CCDC175: variants seen among roughly 807,000 people sequenced by gnomAD.
CCDC175 encodes coiled-coil domain containing 175, also known as coiled-coil domain-containing protein 175.
Under a neutral mutation model 114.6 loss-of-function variants are expected in CCDC175, and 100 were observed. The ratio of observed to expected loss-of-function variants is 0.87; its 90% CI spans 0.74 to 1.03. The LOEUF is 1.03. Ranked by LOEUF, CCDC175 falls within the 50% of genes least tolerant of loss-of-function variation. The pLI is 0.00. For synonymous variants in CCDC175, 306 were observed against 308.7 expected (o/e 0.99, Z 0.09); for missense variants, 880 against 917.8 (o/e 0.96, Z 0.53).
In CCDC175 at chr14:59,531,785, A is replaced by C; in HGVS notation, c.1749T>G (p.Ser583Arg). The C allele has an allele frequency of 6.7e-7, 1 of 1,497,798 alleles. No homozygotes were observed. The highest frequency in any genetic ancestry group is 8.9e-7 in the Non-Finnish European group (1 of 1,123,828). 92.8% of individuals were successfully genotyped at this position (1,497,798 alleles called of 1,614,324 possible). Residue 583 changes from serine to arginine, a missense_variant, in exon 14 of 20, where the codon AGT (serine) becomes AGG (arginine). Ser to Arg is a moderately radical substitution (Grantham distance 110, BLOSUM62 -1). Transcript: ENST00000537690. ...CTTCATATGTACCTGTAATAATATT[A>C]CTGAGCTCTTCTAACTTTCTTCTTT... The part of the protein sequence containing the change: ...KEKRRKLEEL[S>R]NIITAQRQEE...
chr14:59,534,434 G>T (rs1226862004), intron 13 of CCDC175, among the ~76,000 whole-genome samples: 1 of 152,170 alleles, frequency 6.6e-6, no homozygotes, highest in African/African-American at 2.4e-5. Flanking sequence ...CATCCTGTGA[G>T]TTCTAGTTTG....
chr14:59,521,720 T>A (rs1381718414), intron 16 of CCDC175, 44 bp from the exon 17 acceptor site: 10 of 1,072,428 alleles, frequency 9.3e-6, no homozygotes, highest in Non-Finnish European at 1.4e-5. Context: ...GTTTAGTTAC[T>A]ATAGATAAAT....
At position 59,531,796 on chromosome 14, in the gene CCDC175, C is replaced by G; in HGVS notation, c.1738G>C (p.Glu580Gln). ...QEYKEKRRKL[E>Q]ELSNIITAQR... is the part of the protein sequence containing the mutation. The stretch of plus-strand genomic sequence containing the variant: ...CCTGTAATAATATTACTGAGCTCTT[C>G]TAACTTTCTTCTTTTCTCTTTATAC... Residue 580 changes from glutamate (E) to glutamine (Q), a missense_variant, in exon 14 of 20, where the codon GAA becomes CAA. Transcript: ENST00000537690. The G allele has an allele frequency of 6.7e-7, 1 of 1,501,658 alleles. No homozygotes were observed. The highest frequency in any genetic ancestry group is 8.9e-7 in the Non-Finnish European group (1 of 1,123,670). 93.0% of individuals were successfully genotyped at this position (1,501,658 alleles called of 1,614,324 possible).
At chr14:59,573,312 A>G (rs908972664) in intron 2 of CCDC175, among the ~76,000 whole-genome samples, 1 of 152,176 alleles carries the variant, frequency 6.6e-6, no homozygotes, top group African/African-American at 2.4e-5. Context: ...AAAAATAGAT[A>G]AATCATCTTT....
At position 59,505,289 on chromosome 14, in the gene CCDC175, C is replaced by T. The variant is rs1158912002; in HGVS notation, c.2332G>A (p.Val778Ile). The change falls in exon 20 of 20, where the codon GTT becomes ATT. Residue 778 changes from valine to isoleucine, a missense_variant. Coordinates refer to ENST00000537690, the MANE Select transcript of CCDC175 (RefSeq NM_001164399.2). ...LKKKKHIRTRVHFPVVKCTEK... is the reference protein window; with the variant it reads ...LKKKKHIRTRIHFPVVKCTEK... The stretch of plus-strand genomic sequence containing the variant: ...GTACATTTAACCACTGGGAAATGAA[C>T]CCTTGTACGAATGTGTTTCTTCTTC... 1 of 1,505,632 alleles carries T rather than the reference C, an allele frequency of 6.6e-7. No individual in the cohort carries two copies. The highest frequency in any genetic ancestry group is 8.9e-7 in the Non-Finnish European group (1 of 1,125,944). 93.3% of individuals were successfully genotyped at this position (1,505,632 alleles called of 1,614,324 possible). A position where few individuals can be genotyped will look rare whatever the true frequency, so the allele number is the denominator to read the frequency against.
chr14:59,517,775 C>T (rs1318924179), intron 17 of CCDC175, among the ~76,000 whole-genome samples: 1 of 152,164 alleles, frequency 6.6e-6, no homozygotes, highest in African/African-American at 2.4e-5. Context: ...AATGCCATCC[C>T]CATCAAGCTA....
chr14:59,544,235 T>C (rs568851885), intron 9 of CCDC175, among the ~76,000 whole-genome samples: 87 of 152,230 alleles, frequency 5.7e-4, no homozygotes, highest in African/African-American at 2.1e-3. Context: ...GGTATGATCT[T>C]AGCTTACTGT....
In CCDC175 at chr14:59,538,161, A is replaced by G; in HGVS notation, c.1492-7T>C. On this transcript the variant is annotated splice_polypyrimidine_tract_variant and splice_region_variant and intron_variant, in intron 12 of 19. Transcript: ENST00000537690. ...CCTGTTGTCTGAAACTGGTCTAATT[A>G]GAGAAAAATAAGAATTTGTCATTTC... The G allele has an allele frequency of 6.5e-7, 1 of 1,528,528 alleles. No individual in the cohort carries two copies. 94.7% of individuals were successfully genotyped at this position (1,528,528 alleles called of 1,614,324 possible).
intron 19 of CCDC175, among the ~76,000 whole-genome samples, chr14:59,507,929 G>GT (rs1450719935): frequency 6.6e-6 from 1 of 152,198 alleles, no homozygotes; most frequent in African/African-American, 2.4e-5. Flanking sequence ...ACAGCAAACT[G>GT]TTTATCATGA....
At chr14:59,514,310 G>C (rs147733718) in intron 17 of CCDC175, among the ~76,000 whole-genome samples, 1 of 152,322 alleles carries the variant, frequency 6.6e-6, no homozygotes, top group African/African-American at 2.4e-5. Context: ...AACAAAGTTG[G>C]ACAGAGAATG....
At chr14:59,546,190 T>C (rs897401188) in intron 8 of CCDC175, among the ~76,000 whole-genome samples, 1 of 152,210 alleles carries the variant, frequency 6.6e-6, no homozygotes, top group Non-Finnish European at 1.5e-5. Context: ...CTAGAGGCCA[T>C]TATCCTAAGT....
At chr14:59,516,345 C>T (rs1339069367) in intron 17 of CCDC175, among the ~76,000 whole-genome samples, 3 of 151,828 alleles carry the variant, frequency 2.0e-5, no homozygotes, top group Non-Finnish European at 4.4e-5. Context: ...AATAGAGACT[C>T]AAAAAAACCT....
At chr14:59,533,529 A>G (rs1894193415) in intron 13 of CCDC175, among the ~76,000 whole-genome samples, 1 of 152,196 alleles carries the variant, frequency 6.6e-6, no homozygotes, top group South Asian at 2.1e-4. Flanking sequence ...TAACTAATAC[A>G]CCGATATGCT....
At chr14:59,528,632 C>T (rs1396318386) in intron 14 of CCDC175, among the ~76,000 whole-genome samples, 1 of 152,048 alleles carries the variant, frequency 6.6e-6, no homozygotes, top group Non-Finnish European at 1.5e-5. Context: ...TAAATTTTAA[C>T]TCTTTAGATC....
intron 17 of CCDC175, among the ~76,000 whole-genome samples, chr14:59,515,899 T>C (rs547304636): frequency 4.6e-5 from 7 of 152,180 alleles, no homozygotes; most frequent in Non-Finnish European, 1.0e-4. Flanking sequence ...TATTCCAAAA[T>C]TGACCACATA....
intron 19 of CCDC175, among the ~76,000 whole-genome samples, chr14:59,506,366 C>T (rs926243273): frequency 2.0e-5 from 3 of 150,676 alleles, no homozygotes; most frequent in Non-Finnish European, 2.9e-5. Flanking sequence ...CGGCTCACTG[C>T]AACCTCCACC....
At chr14:59,534,641 G>A (rs1446316534) in intron 13 of CCDC175, among the ~76,000 whole-genome samples, 3 of 152,120 alleles carry the variant, frequency 2.0e-5, no homozygotes, top group Non-Finnish European at 2.9e-5. Context: ...TGCCATATAC[G>A]GGGCTGTAGG....
intron 10 of CCDC175, among the ~76,000 whole-genome samples, chr14:59,541,887 T>G (rs1894812613): frequency 6.6e-6 from 1 of 152,210 alleles, no homozygotes; most frequent in South Asian, 2.1e-4. Flanking sequence ...TCGATCTTCC[T>G]CCTCTTTTAT....
chr14:59,574,092 T>A (rs574068371), intron 2 of CCDC175, among the ~76,000 whole-genome samples: 2 of 152,186 alleles, frequency 1.3e-5, no homozygotes, highest in Non-Finnish European at 1.5e-5. Flanking sequence ...ACACACATGA[T>A]CCCTCAGTGT....
Sources: gnomAD v4.1 joint callset for allele counts (sites outside exome capture counted in the v4.1 genomes callset) on GRCh38, gnomAD v4.1.1 for gene constraint, MANE v1.5 for transcripts, NCBI Gene and HGNC (gene_info 2026-07-23, HGNC 2026-07-21) for gene names.